Variants in ADCY2 observed in about 807,000 individuals in gnomAD.
ADCY2 encodes adenylate cyclase type 2.
ADCY2 carries 31 observed loss-of-function variants against 125.2 expected under a neutral mutation model. The ratio of observed to expected loss-of-function variants is 0.25; its 90% confidence interval spans 0.19 to 0.33. The LOEUF (loss-of-function observed/expected upper bound fraction) is 0.33, where lower values mean the gene tolerates loss of function less well. ADCY2 is among the 10% of genes least tolerant of loss of function. The pLI is 1.00. For synonymous variants in ADCY2, 512 were observed against 548.4 expected (o/e 0.93, Z 0.93); for missense variants, 904 against 1,418.2 (o/e 0.64, Z 5.82).
chr5:7,665,365 C>T (rs989234818), intron 4 of ADCY2, among the ~76,000 whole-genome samples: 3 of 152,172 alleles, frequency 2.0e-5, no homozygotes, highest in African/African-American at 7.2e-5. Flanking sequence ...CCAGCCAGGG[C>T]TGGCCTTTCC....
Position 7,491,963 on chromosome 5 carries a change from G to A in ADCY2, c.409-28775G>A, listed in dbSNP as rs537195574. 5.9e-5 allele frequency among the ~76,000 whole-genome samples: 9 copies of A among 152,358 alleles called. No individual in the cohort carries two copies. In the South Asian group the frequency reaches 1.9e-3, roughly 32 times the overall value. Reference sequence around the variant, plus strand: ...CTGAACTTCCTGTGTGTGCCAGGCTGTCTGTTGCACAGCACTGAGTAACAC... The same window carrying A: ...CTGAACTTCCTGTGTGTGCCAGGCTATCTGTTGCACAGCACTGAGTAACAC... On this transcript the variant is annotated intron_variant, in intron 2 of 24. Coordinates refer to ENST00000338316, the MANE Select transcript of ADCY2 (RefSeq NM_020546.3).
At chr5:7,536,650 C>G (rs1734822633) in intron 3 of ADCY2, among the ~76,000 whole-genome samples, 1 of 152,146 alleles carries the variant, frequency 6.6e-6, no homozygotes, top group Non-Finnish European at 1.5e-5. Context: ...AAAACCCATT[C>G]TAGATTTTTG....
chr5:7,429,513 G>T (rs1739893949), intron 2 of ADCY2, among the ~76,000 whole-genome samples: 1 of 152,082 alleles, frequency 6.6e-6, no homozygotes, highest in Non-Finnish European at 1.5e-5. Context: ...CCATATTCTG[G>T]GCAACAAAGT....
At position 7,713,738 on chromosome 5, in the gene ADCY2, T is replaced by G. The variant is rs139831447; in HGVS notation, c.1622+839T>G. Reference sequence around the variant, plus strand: ...CACAGAGTTTTACTTTAATATTGGTTTGGGAGTTAATCAAATCAATATTAG... The same window carrying G: ...CACAGAGTTTTACTTTAATATTGGTGTGGGAGTTAATCAAATCAATATTAG... On this transcript the variant is annotated intron_variant, in intron 11 of 24. Transcript: ENST00000338316. 1.6e-3 allele frequency among the ~76,000 whole-genome samples: 250 copies of G among 152,228 alleles called. 2 individuals carry two copies. The highest frequency in any genetic ancestry group is 5.7e-3 in the African/African-American group (236 of 41,546).
intron 3 of ADCY2, among the ~76,000 whole-genome samples, chr5:7,603,804 T>A: frequency 7.0e-6 from 1 of 143,848 alleles, no homozygotes; most frequent in Non-Finnish European, 1.5e-5. Flanking sequence ...TTTTTTTTTT[T>A]TTTTTCTTTT....
Position 7,566,340 on chromosome 5 carries a change from A to T in ADCY2, c.570+45441A>T, listed in dbSNP as rs181853062. Among the ~76,000 whole-genome samples the T allele has an allele frequency of 3.6e-3, 549 of 152,168 alleles. 3 individuals are homozygous for T. The highest frequency in any genetic ancestry group is 0.012 in the African/African-American group (514 of 41,500). On this transcript the variant is annotated intron_variant, in intron 3 of 24. Transcript: ENST00000338316. ...GTCTCTACAAAAATTAAAAAAAATT[A>T]AAAAAATTAGCCAGGCATGGTGATG...
chr5:7,479,825 A>G (rs762484044), intron 2 of ADCY2, among the ~76,000 whole-genome samples: 1 of 152,136 alleles, frequency 6.6e-6, no homozygotes, highest in Non-Finnish European at 1.5e-5. Context: ...TTTAGTTGCC[A>G]CAAATGGGTG....
chr5:7,685,517 AT>A (rs1257562304), intron 4 of ADCY2, among the ~76,000 whole-genome samples: 3 of 152,068 alleles, frequency 2.0e-5, no homozygotes, highest in African/African-American at 7.2e-5. Context: ...ATGATGACCA[AT>A]TTTTTTTGTA....
chr5:7,719,453 A>G (rs1254936921), intron 12 of ADCY2, among the ~76,000 whole-genome samples: 1 of 152,252 alleles, frequency 6.6e-6, no homozygotes, highest in Non-Finnish European at 1.5e-5. Flanking sequence ...GTTCTTTGAC[A>G]TGAAGTTCTT....
At chr5:7,438,370 C>A (rs1358910834) in intron 2 of ADCY2, among the ~76,000 whole-genome samples, 4 of 152,190 alleles carry the variant, frequency 2.6e-5, no homozygotes, top group African/African-American at 9.7e-5. Flanking sequence ...GGAGAAGGAG[C>A]AAACATAACA....
rs180689813 is a variant in ADCY2, at chr5:7,825,587, C to A, written c.3124-1132C>A. Among the ~76,000 whole-genome samples the A allele has an allele frequency of 3.3e-3, 505 of 152,312 alleles. 5 individuals are homozygous for A. Among genetic ancestry groups the A allele is most frequent in the Non-Finnish European group, 3.7e-3 (249 of 68,024 alleles). On this transcript the variant is annotated intron_variant, in intron 24 of 24. Coordinates refer to ENST00000338316, the MANE Select transcript of ADCY2 (RefSeq NM_020546.3). ...TCCTTTGTGCCTTTTTCTCATGGTTCCAAAGCAGCATTACCAGGGCTTTCT... is the reference window on the plus strand; with the variant it reads ...TCCTTTGTGCCTTTTTCTCATGGTTACAAAGCAGCATTACCAGGGCTTTCT...
chr5:7,743,426 A>G (rs1742501674), intron 14 of ADCY2, among the ~76,000 whole-genome samples: 1 of 151,950 alleles, frequency 6.6e-6, no homozygotes, highest in Admixed American at 6.6e-5. Context: ...TCCTTCATAA[A>G]GAACTGATGC....
chr5:7,579,089 G>A (rs1300490993), intron 3 of ADCY2, among the ~76,000 whole-genome samples: 2 of 152,082 alleles, frequency 1.3e-5, no homozygotes, highest in African/African-American at 4.8e-5. Flanking sequence ...TTTCCAGTGG[G>A]GTAATATAGT....
chr5:7,567,595 G>A (rs1735941767), intron 3 of ADCY2, among the ~76,000 whole-genome samples: 1 of 152,090 alleles, frequency 6.6e-6, no homozygotes. Context: ...AATGGACTGG[G>A]TGTGAGTCTA....
At chr5:7,433,429 T>A (rs1041459179) in intron 2 of ADCY2, among the ~76,000 whole-genome samples, 5 of 152,110 alleles carry the variant, frequency 3.3e-5, no homozygotes, top group Admixed American at 6.5e-5. Context: ...TGTGTGTGTG[T>A]GCACACACAC....
chr5:7,417,637 T>A (rs1740005554), intron 2 of ADCY2, among the ~76,000 whole-genome samples: 1 of 152,244 alleles, frequency 6.6e-6, no homozygotes, highest in Admixed American at 6.5e-5. Context: ...GTCTGGAATG[T>A]TCTTGTCCCC....
intron 7 of ADCY2, among the ~76,000 whole-genome samples, chr5:7,705,012 G>A (rs964199442): frequency 6.6e-6 from 1 of 152,172 alleles, no homozygotes; most frequent in Non-Finnish European, 1.5e-5. Flanking sequence ...GCTCTGTCAA[G>A]TGGACAGTCT....
At chr5:7,612,604 G>A (rs1737602883) in intron 3 of ADCY2, among the ~76,000 whole-genome samples, 1 of 152,226 alleles carries the variant, frequency 6.6e-6, no homozygotes. Context: ...GGGAATGGCT[G>A]ATGACAGGAG....
chr5:7,703,385 T>C (rs1741154701), intron 7 of ADCY2, among the ~76,000 whole-genome samples: 1 of 152,226 alleles, frequency 6.6e-6, no homozygotes, highest in African/African-American at 2.4e-5. Context: ...TTAATCCATC[T>C]TGCATTAATT....
Sources: gnomAD v4.1 joint callset for allele counts (sites outside exome capture counted in the v4.1 genomes callset) on GRCh38, gnomAD v4.1.1 for gene constraint, MANE v1.5 for transcripts, NCBI Gene and HGNC (gene_info 2026-07-23, HGNC 2026-07-21) for gene names.